KLF8: variants seen among roughly 807,000 people sequenced by gnomAD.
The protein encoded by KLF8 is Krueppel-like factor 8.
In KLF8, 10 loss-of-function variants were observed where a neutral mutation model predicts 18.2. The observed-to-expected ratio is 0.55, with a 90% CI of 0.34 to 0.93. The LOEUF (loss-of-function observed/expected upper bound fraction) is 0.93, where lower values mean the gene tolerates loss of function less well. Ranked by LOEUF, KLF8 falls within the 40% of genes least tolerant of loss-of-function variation. The pLI is 0.02. For synonymous variants in KLF8, 109 were observed against 97.3 expected, an observed-to-expected ratio of 1.12 and a Z score of -0.71; for missense variants, 264 against 277.9, an observed-to-expected ratio of 0.95 and a Z score of 0.36.
chrX:56,125,640 G>A, the KLF8 span, among the ~76,000 whole-genome samples: 1 of 112,386 alleles, frequency 8.9e-6, no homozygotes, highest in South Asian at 3.7e-4. Context: ...TAGGCCTTAA[G>A]TAAGTACCTT....
the KLF8 span, among the ~76,000 whole-genome samples, chrX:56,080,891 C>T: frequency 6.3e-5 from 7 of 110,888 alleles, no homozygotes; most frequent in Non-Finnish European, 1.1e-4. Flanking sequence ...CGCTTCATTT[C>T]ATTCATTTCA....
At chrX:56,055,765 TA>T in the KLF8 span, among the ~76,000 whole-genome samples, 1 of 111,859 alleles carries the variant, frequency 8.9e-6, no homozygotes, top group East Asian at 2.8e-4. Flanking sequence ...TTGATTTTTT[TA>T]ATTTTTTTTC....
At chrX:56,175,843 C>T in the KLF8 span, among the ~76,000 whole-genome samples, 1 of 111,303 alleles carries the variant, frequency 9.0e-6, no homozygotes, top group Non-Finnish European at 1.9e-5. Context: ...ATCCCTTTAC[C>T]ATTATGTAAT....
chrX:56,186,281 G>A, the KLF8 span, among the ~76,000 whole-genome samples: 1 of 111,205 alleles, frequency 9.0e-6, no homozygotes, highest in African/African-American at 3.3e-5. Flanking sequence ...GACAAAGAAG[G>A]CCATTACATA....
At chrX:55,982,049 G>C in the KLF8 span, among the ~76,000 whole-genome samples, 25 of 110,700 alleles carry the variant, frequency 2.3e-4, no homozygotes, top group African/African-American at 7.6e-4. Context: ...CAGGAAGTAA[G>C]AGCTGGCTGA....
At chrX:55,941,157 G>C in the KLF8 span, among the ~76,000 whole-genome samples, 1 of 111,904 alleles carries the variant, frequency 8.9e-6, no homozygotes, top group Non-Finnish European at 1.9e-5. Flanking sequence ...GCATGGTATT[G>C]GTACCAAAAC....
the KLF8 span, among the ~76,000 whole-genome samples, chrX:56,171,882 A>T: frequency 9.0e-5 from 10 of 111,509 alleles, no homozygotes; most frequent in African/African-American, 2.9e-4. Context: ...CTTTGGGTAT[A>T]TACACAGTAA....
chrX:56,080,364 C>A, the KLF8 span, among the ~76,000 whole-genome samples: 1 of 110,982 alleles, frequency 9.0e-6, no homozygotes, highest in Non-Finnish European at 1.9e-5. Context: ...AATCTCTCAG[C>A]ATTTGCTTGT....
the KLF8 span, among the ~76,000 whole-genome samples, chrX:56,141,230 G>A: frequency 8.9e-6 from 1 of 112,081 alleles, no homozygotes; most frequent in African/African-American, 3.2e-5. Flanking sequence ...GCCTCCCAAT[G>A]TGCTGGGGTT....
chrX:56,057,070 T>C, the KLF8 span, among the ~76,000 whole-genome samples: 1 of 111,116 alleles, frequency 9.0e-6, no homozygotes, highest in Admixed American at 9.5e-5. Flanking sequence ...TGAGTGTTCA[T>C]CACAGTGGTG....
chrX:55,989,292 G>C, the KLF8 span, among the ~76,000 whole-genome samples: 1 of 112,052 alleles, frequency 8.9e-6, no homozygotes, highest in Non-Finnish European at 1.9e-5. Flanking sequence ...GTTTTCAAAA[G>C]GAATGCTTCC....
At chrX:56,037,485 T>A in the KLF8 span, among the ~76,000 whole-genome samples, 1 of 111,538 alleles carries the variant, frequency 9.0e-6, no homozygotes, top group East Asian at 2.8e-4. Flanking sequence ...TGAGAATAAT[T>A]GATATTAATT....
chrX:56,011,428 A>T, the KLF8 span, among the ~76,000 whole-genome samples: 1 of 112,129 alleles, frequency 8.9e-6, no homozygotes, highest in African/African-American at 3.2e-5. Context: ...ACCGATATGA[A>T]CAAAGAATGT....
the KLF8 span, among the ~76,000 whole-genome samples, chrX:56,167,312 G>A: frequency 9.0e-6 from 1 of 110,982 alleles, no homozygotes; most frequent in Non-Finnish European, 1.9e-5. Context: ...TGTATTTTTA[G>A]TAGAGATGGG....
chrX:56,037,572 T>A, the KLF8 span, among the ~76,000 whole-genome samples: 1 of 112,031 alleles, frequency 8.9e-6, no homozygotes, highest in Admixed American at 9.5e-5. Flanking sequence ...TTATTTTTAT[T>A]ACTGATTCAC....
the KLF8 span, among the ~76,000 whole-genome samples, chrX:55,914,627 G>A: frequency 1.8e-5 from 2 of 111,405 alleles, no homozygotes; most frequent in Non-Finnish European, 3.8e-5. Flanking sequence ...TGCTAGAGGA[G>A]ATGATATTTG....
At chrX:56,199,238 T>C in the KLF8 span, among the ~76,000 whole-genome samples, 2 of 111,440 alleles carry the variant, frequency 1.8e-5, no homozygotes, top group Non-Finnish European at 3.8e-5. Flanking sequence ...AATAGACAAA[T>C]GGGATCTAAT....
the KLF8 span, among the ~76,000 whole-genome samples, chrX:56,169,362 C>G: frequency 2.7e-5 from 3 of 111,057 alleles, no homozygotes; most frequent in African/African-American, 9.8e-5. Flanking sequence ...ACCAGCTTGG[C>G]CACAGGAGGA....
chrX:56,154,308 T>C, the KLF8 span, among the ~76,000 whole-genome samples: 2 of 111,326 alleles, frequency 1.8e-5, no homozygotes, highest in African/African-American at 6.5e-5. Context: ...CACACATCTA[T>C]AACTATCTGA....
Sources: allele counts gnomAD v4.1 joint callset (sites outside exome capture counted in the v4.1 genomes callset), GRCh38; gene constraint gnomAD v4.1.1; transcripts MANE v1.5; gene names NCBI Gene and HGNC (gene_info 2026-07-23, HGNC 2026-07-21).